ZNF33B: variants seen among roughly 807,000 people sequenced by gnomAD.
The protein encoded by ZNF33B is zinc finger protein 33B.
In ZNF33B, 29 loss-of-function variants were observed where a neutral mutation model predicts 45.8. The ratio of observed to expected loss-of-function variants is 0.63; its 90% CI spans 0.47 to 0.86. ZNF33B has a LOEUF of 0.86. Among genes scored for constraint, ZNF33B ranks in the 40% least tolerant of loss-of-function variants. The pLI is 0.00. For missense variants in ZNF33B, 831 were observed against 909.9 expected (o/e 0.91, Z 1.12); for synonymous variants, 305 against 307.8 (o/e 0.99, Z 0.10).
At position 42,593,373 on chromosome 10, in the gene ZNF33B, T is replaced by C; in HGVS notation, c.1577A>G (p.Glu526Gly). The change falls in exon 5 of 5, where the codon GAA becomes GGA. Residue 526 changes from glutamate (E) to glycine (G), a missense_variant. Transcript: ENST00000359467. Reference sequence around the variant, plus strand: ...GAAGGTTTTCCCACATTCATAACATTCATAAGGTTTCAACCCTGTATGAAT... The same window carrying C: ...GAAGGTTTTCCCACATTCATAACATCCATAAGGTTTCAACCCTGTATGAAT... ...QIIHTGLKPYECYECGKTFCL... is the reference protein window; with the variant it reads ...QIIHTGLKPYGCYECGKTFCL... 6.2e-7 allele frequency: 1 copy of C among 1,613,896 alleles called. No homozygotes were observed. The highest frequency in any genetic ancestry group is 1.7e-5 in the Admixed American group (1 of 59,994).
At chr10:42,601,118 T>C (rs1222729874) in intron 4 of ZNF33B, among the ~76,000 whole-genome samples, 1 of 152,236 alleles carries the variant, frequency 6.6e-6, no homozygotes, top group Non-Finnish European at 1.5e-5. Context: ...AATGTTCTAC[T>C]ATTTTCTCTG....
chr10:42,635,078 A>G (rs1839226925), intron 2 of ZNF33B, among the ~76,000 whole-genome samples: 1 of 152,002 alleles, frequency 6.6e-6, no homozygotes, highest in Non-Finnish European at 1.5e-5. Context: ...CCCCATCTCT[A>G]TTAAAATACA....
rs1407667053 is a variant in ZNF33B, at chr10:42,591,591, G to A, written c.*1022C>T. The A allele has an allele frequency of 3.7e-6, 2 of 535,264 alleles. No individual in the cohort carries two copies. Among genetic ancestry groups the A allele is most frequent in the Non-Finnish European group, 4.8e-6 (2 of 418,898 alleles). 33.2% of individuals were successfully genotyped at this position (535,264 alleles called of 1,614,324 possible). A position where few individuals can be genotyped will look rare whatever the true frequency, so the allele number is the denominator to read the frequency against. ...ATACCTACTTCCTATTCACAATTACGTTAAATACCATTATGCATATGAAAC... is the reference window on the plus strand; with the variant it reads ...ATACCTACTTCCTATTCACAATTACATTAAATACCATTATGCATATGAAAC... On this transcript the variant is annotated 3_prime_UTR_variant, in exon 5 of 5. Transcript: ENST00000359467.
intron 4 of ZNF33B, among the ~76,000 whole-genome samples, chr10:42,619,275 C>T (rs1276870942): frequency 2.0e-5 from 3 of 152,146 alleles, no homozygotes; most frequent in Non-Finnish European, 4.4e-5. Context: ...TTACAAGAGA[C>T]CCTCATTAAT....
chr10:42,631,274 C>T (rs113143784), intron 4 of ZNF33B, among the ~76,000 whole-genome samples: 10,673 of 152,116 alleles, frequency 0.07, 706 homozygotes, highest in African/African-American at 0.17. Context: ...GGTGCAATCT[C>T]AGCTCACTGC....
In ZNF33B at chr10:42,590,619, T is replaced by C. The variant is rs1837083464; in HGVS notation, c.*1994A>G. 6.6e-6 allele frequency: 1 copy of C among 151,984 alleles called. No individual in the cohort carries two copies. 9.4% of individuals were successfully genotyped at this position (151,984 alleles called of 1,614,324 possible). A position where few individuals can be genotyped will look rare whatever the true frequency, so the allele number is the denominator to read the frequency against. The stretch of plus-strand genomic sequence containing the variant: ...TTAATTACTGCTTCAATTTATTTAA[T>C]AGATATATATGCCTACTGAGATCTA... On this transcript the variant is annotated 3_prime_UTR_variant, in exon 5 of 5. Coordinates refer to ENST00000359467, the MANE Select transcript of ZNF33B (RefSeq NM_006955.3).
chr10:42,605,697 C>A (rs892407040), intron 4 of ZNF33B, among the ~76,000 whole-genome samples: 1 of 152,166 alleles, frequency 6.6e-6, no homozygotes, highest in African/African-American at 2.4e-5. Flanking sequence ...AAAAGGCACA[C>A]TTTTTCTCCT....
intron 2 of ZNF33B, among the ~76,000 whole-genome samples, chr10:42,635,954 C>A (rs566700585): frequency 6.6e-6 from 1 of 151,916 alleles, no homozygotes; most frequent in East Asian, 1.9e-4. Context: ...CATGGTGAAA[C>A]CCCGTCTCTA....
intron 2 of ZNF33B, among the ~76,000 whole-genome samples, chr10:42,634,636 A>G (rs1418594915): frequency 6.6e-6 from 1 of 152,202 alleles, no homozygotes; most frequent in Non-Finnish European, 1.5e-5. Flanking sequence ...AAAAACACAC[A>G]GACATATATG....
intron 2 of ZNF33B, 83 bp from the exon 3 acceptor site, chr10:42,632,522 T>G: frequency 6.5e-7 from 1 of 1,527,094 alleles, no homozygotes; most frequent in Non-Finnish European, 8.8e-7. Flanking sequence ...AATATTTGTT[T>G]TGCTTTATAC....
At position 42,591,130 on chromosome 10, in the gene ZNF33B, C is replaced by T; in HGVS notation, c.*1483G>A. The T allele has an allele frequency of 8.5e-6, 3 of 353,012 alleles. No homozygotes were observed. Among genetic ancestry groups the T allele is most frequent in the Non-Finnish European group, 1.2e-5 (3 of 252,052 alleles). The allele number at this position is 353,012 out of a possible 1,614,324, so 21.9% of individuals were successfully genotyped here. A position where few individuals can be genotyped will look rare whatever the true frequency, so the allele number is the denominator to read the frequency against. ...TTCTGGCTCTTCTCCAGCCTCAACC[C>T]TCCTCTTCATATTCTCAAAAGTCTC... On this transcript the variant is annotated 3_prime_UTR_variant, in exon 5 of 5. Coordinates refer to ENST00000359467, the MANE Select transcript of ZNF33B (RefSeq NM_006955.3).
intron 2 of ZNF33B, among the ~76,000 whole-genome samples, chr10:42,634,674 T>C (rs1327778104): frequency 2.6e-5 from 4 of 152,086 alleles, no homozygotes; most frequent in Non-Finnish European, 5.9e-5. Context: ...AATATCACAA[T>C]GTAAAACTGG....
chr10:42,615,175 A>C (rs924390165), intron 4 of ZNF33B, among the ~76,000 whole-genome samples: 2 of 152,238 alleles, frequency 1.3e-5, no homozygotes, highest in African/African-American at 4.8e-5. Flanking sequence ...TTCCCAAGAA[A>C]GTTAAACACA....
At chr10:42,631,901 T>C in intron 4 of ZNF33B, 28 bp downstream of exon 4, 1 of 1,566,804 alleles carries the variant, frequency 6.4e-7, no homozygotes, top group Non-Finnish European at 8.8e-7. Context: ...TCCCCTGATG[T>C]GAATCTGTGC....
At chr10:42,627,309 T>C (rs775210761) in intron 4 of ZNF33B, among the ~76,000 whole-genome samples, 6 of 152,224 alleles carry the variant, frequency 3.9e-5, no homozygotes. Flanking sequence ...TGGCCTATGT[T>C]GTCATATTTA....
intron 4 of ZNF33B, among the ~76,000 whole-genome samples, chr10:42,623,675 G>T (rs158377): frequency 0.59 from 89,654 of 152,012 alleles, 30,561 homozygotes; most frequent in Non-Finnish European, 0.78. Flanking sequence ...CTGTTGGGAG[G>T]GGGGAATGAG....
intron 4 of ZNF33B, among the ~76,000 whole-genome samples, chr10:42,623,261 T>C (rs546267143): frequency 1.3e-5 from 2 of 152,324 alleles, no homozygotes; most frequent in South Asian, 2.1e-4. Flanking sequence ...TGAGACTCTG[T>C]CTCAAAAACA....
chr10:42,627,136 T>G (rs1254548911), intron 4 of ZNF33B, among the ~76,000 whole-genome samples: 1 of 148,616 alleles, frequency 6.7e-6, no homozygotes, highest in Non-Finnish European at 1.5e-5. Context: ...CCTGAGTAGC[T>G]GGGATTACAG....
At chr10:42,622,297 A>G (rs1182682865) in intron 4 of ZNF33B, among the ~76,000 whole-genome samples, 2 of 152,236 alleles carry the variant, frequency 1.3e-5, no homozygotes, top group Non-Finnish European at 1.5e-5. Context: ...AATCCCTATC[A>G]AAATTCCATC....
Sources: gnomAD v4.1 joint callset for allele counts (sites outside exome capture counted in the v4.1 genomes callset) on GRCh38, gnomAD v4.1.1 for gene constraint, MANE v1.5 for transcripts, NCBI Gene and HGNC (gene_info 2026-07-23, HGNC 2026-07-21) for gene names.